CELSR1: variants seen among roughly 807,000 people sequenced by gnomAD.
CELSR1 encodes the protein adhesion G protein-coupled receptor C1.
A neutral mutation model predicts 249.1 loss-of-function variants in CELSR1; 110 were observed. The ratio of observed to expected loss-of-function variants is 0.44; its 90% CI spans 0.38 to 0.52. The LOEUF (loss-of-function observed/expected upper bound fraction) is 0.52. Ranked by LOEUF, CELSR1 falls within the 20% of genes least tolerant of loss-of-function variation. CELSR1 has a pLI of 0.00. For synonymous variants in CELSR1, 2,113 were observed against 1,900.0 expected (o/e 1.11, Z -2.92); for missense variants, 4,109 against 4,296.4 (o/e 0.96, Z 1.22).
At chr22:46,394,341 T>G in intron 13 of CELSR1, 79 bp from the exon 14 acceptor site, 1 of 1,501,432 alleles carries the variant, frequency 6.7e-7, no homozygotes, top group South Asian at 1.3e-5. Flanking sequence ...GCAGGCAGCA[T>G]GGAGATGGTT....
In CELSR1 at chr22:46,536,528, A is replaced by C; in HGVS notation, c.643T>G (p.Ser215Ala). The part of the protein sequence containing the change: ...AGTPSASPSP[S>A]PPLPPNLPEA... Reference sequence around the variant, plus strand: ...GGCAAGTTCGGCGGCAGGGGCGGCGATGGGGATGGCGACGCGGAGGGCGTC... The same window carrying C: ...GGCAAGTTCGGCGGCAGGGGCGGCGCTGGGGATGGCGACGCGGAGGGCGTC... The change falls in exon 1 of 35, where the codon TCG becomes GCG. Residue 215 changes from serine (S) to alanine (A), a missense_variant. Transcript: ENST00000674500. 1 of 1,455,264 alleles carries C rather than the reference A, an allele frequency of 6.9e-7. No individual in the cohort carries two copies. The allele number at this position is 1,455,264 out of a possible 1,614,324, so 90.1% of individuals were successfully genotyped here. A position where few individuals can be genotyped will look rare whatever the true frequency, so the allele number is the denominator to read the frequency against.
Position 46,381,325 on chromosome 22 carries a change from T to C in CELSR1, c.7089-370A>G, listed in dbSNP as rs2078975648. 6.6e-6 allele frequency among the ~76,000 whole-genome samples: 1 copy of C among 152,080 alleles called. No individual in the cohort carries two copies. The highest frequency in any genetic ancestry group is 1.5e-5 in the Non-Finnish European group (1 of 67,988). On this transcript the variant is annotated intron_variant, in intron 21 of 34. Coordinates refer to ENST00000674500, the MANE Select transcript of CELSR1 (RefSeq NM_001378328.1). This position sits in a 1 kb window ranked among gnomAD's most constrained non-coding sequence, Gnocchi z 6.0. ...CAGCTCATGGGGATGAATCACCCAG[T>C]CACTGAGAACCACGTGAACACGAGG...
intron 27 of CELSR1, among the ~76,000 whole-genome samples, chr22:46,368,875 C>T (rs1203087938): frequency 1.3e-5 from 2 of 152,144 alleles, no homozygotes; most frequent in African/African-American, 4.8e-5. Context: ...CCCATCTCCA[C>T]TCTGGGGATT....
chr22:46,368,391 C>G (rs1028395030), intron 27 of CELSR1, among the ~76,000 whole-genome samples: 36 of 152,178 alleles, frequency 2.4e-4, no homozygotes, highest in African/African-American at 8.7e-4. Context: ...GAGGAACTGA[C>G]AAGGCCCCAG....
intron 23 of CELSR1, 81 bp downstream of exon 23, chr22:46,378,510 G>A: frequency 6.8e-6 from 10 of 1,479,394 alleles, no homozygotes; most frequent in Non-Finnish European, 9.1e-6. Flanking sequence ...GGCAGGTTTG[G>A]CGGGGAGGTG....
intron 17 of CELSR1, among the ~76,000 whole-genome samples, chr22:46,389,892 C>CA (rs2079070762): frequency 6.6e-6 from 1 of 152,126 alleles, no homozygotes; most frequent in Admixed American, 6.5e-5. Context: ...GCAGAGGTTG[C>CA]AGCAAGCTGA....
At chr22:46,377,035 T>C (rs775367744) in intron 24 of CELSR1, 26 bp downstream of exon 24, 2 of 1,608,530 alleles carry the variant, frequency 1.2e-6, no homozygotes, top group Non-Finnish European at 8.5e-7. Flanking sequence ...GCCCAGACAG[T>C]GGGGAGGGGA....
intron 1 of CELSR1, among the ~76,000 whole-genome samples, chr22:46,522,659 A>G (rs1238773437): frequency 6.6e-6 from 1 of 152,242 alleles, no homozygotes; most frequent in East Asian, 1.9e-4. Context: ...TGAGACATAC[A>G]TGGGCAAGAA....
At chr22:46,475,400 C>T (rs553010685) in intron 1 of CELSR1, among the ~76,000 whole-genome samples, 33 of 152,086 alleles carry the variant, frequency 2.2e-4, no homozygotes, top group African/African-American at 4.8e-4. Flanking sequence ...CTTCTGCTTA[C>T]GAGAGGTCCC....
chr22:46,409,876 G>T lies in CELSR1; in HGVS notation c.4938C>A (p.Cys1646Ter). The part of the protein sequence containing the change: ...FIANNGTREG[C>*]AARRNFCDGR... ...CATCGCAGAAGTTCCTCCGAGCAGC[G>T]CAGCCTGGCAACACAGAGCGTGCGG... Residue 1646 changes from cysteine to a stop codon, truncating the protein, a stop_gained, in exon 8 of 35, where the codon TGC (cysteine) becomes TGA (stop). Transcript: ENST00000674500. LOFTEE classifies it high-confidence loss of function. The surrounding 1 kb of genome is among the most constrained non-coding windows in gnomAD (Gnocchi z 9.8). The T allele has an allele frequency of 6.2e-7, 1 of 1,612,748 alleles. No individual in the cohort carries two copies. The highest frequency in any genetic ancestry group is 8.5e-7 in the Non-Finnish European group (1 of 1,179,960).
At position 46,381,625 on chromosome 22, in the gene CELSR1, G is replaced by A. The variant is rs1020269098; in HGVS notation, c.7088+221C>T. ...TGGCACAAACACCAGGATGAGCCCA[G>A]GCAAAGGGTGTGCAATGTTCCAGGG... On this transcript the variant is annotated intron_variant, in intron 21 of 34. Coordinates refer to ENST00000674500, the MANE Select transcript of CELSR1 (RefSeq NM_001378328.1). The surrounding 1 kb of genome is among the most constrained non-coding windows in gnomAD (Gnocchi z 6.0). 2.6e-5 allele frequency among the ~76,000 whole-genome samples: 4 copies of A among 152,218 alleles called. No homozygotes were observed. Among genetic ancestry groups the A allele is most frequent in the African/African-American group, 9.6e-5 (4 of 41,460 alleles).
rs116237146 is a variant in CELSR1, at chr22:46,437,795, C to G, written c.4406+1394G>C. On this transcript the variant is annotated intron_variant, in intron 3 of 34. Coordinates refer to ENST00000674500, the MANE Select transcript of CELSR1 (RefSeq NM_001378328.1). This position sits in a 1 kb window ranked among gnomAD's most constrained non-coding sequence, Gnocchi z 4.9. ...TGATGGTTCCCAACTGTCGCCCAAACCCCCTCTCTTTAGAATGCAAGCAAG... is the reference window on the plus strand; with the variant it reads ...TGATGGTTCCCAACTGTCGCCCAAAGCCCCTCTCTTTAGAATGCAAGCAAG... 6.6e-6 allele frequency among the ~76,000 whole-genome samples: 1 copy of G among 151,542 alleles called. No homozygotes were observed. Among genetic ancestry groups the G allele is most frequent in the Non-Finnish European group, 1.5e-5 (1 of 67,964 alleles).
rs886832459 is a variant in CELSR1 at position 46,374,477 on chromosome 22, A to G, written c.7585-1420T>C. Among the ~76,000 whole-genome samples, 2 of 152,154 alleles carry G rather than the reference A, an allele frequency of 1.3e-5. No homozygotes were observed. Among genetic ancestry groups the G allele is most frequent in the Non-Finnish European group, 2.9e-5 (2 of 68,020 alleles). On this transcript the variant is annotated intron_variant, in intron 24 of 34. Coordinates refer to ENST00000674500, the MANE Select transcript of CELSR1 (RefSeq NM_001378328.1). This position sits in a 1 kb window ranked among gnomAD's most constrained non-coding sequence, Gnocchi z 4.3. ...GAGAGATGAAAAACCTCGCCCAGAG[A>G]TAGGATTGTGGGTTTACAAAAAAAC...
In CELSR1 at chr22:46,484,374, G is replaced by A. The variant is rs764809340; in HGVS notation, c.3545-20029C>T. 1.2e-4 allele frequency among the ~76,000 whole-genome samples: 19 copies of A among 152,128 alleles called. No individual in the cohort carries two copies. Among genetic ancestry groups the A allele is most frequent in the Non-Finnish European group, 2.8e-4 (19 of 68,022 alleles). Reference sequence around the variant, plus strand: ...CTCGGGCCCAGCCCTCCTCAGAAATGCAGGCTGCAGCATCTGCCAGGAACT... The same window carrying A: ...CTCGGGCCCAGCCCTCCTCAGAAATACAGGCTGCAGCATCTGCCAGGAACT... On this transcript the variant is annotated intron_variant, in intron 1 of 34. Coordinates refer to ENST00000674500, the MANE Select transcript of CELSR1 (RefSeq NM_001378328.1). This position sits in a 1 kb window ranked among gnomAD's most constrained non-coding sequence, Gnocchi z 4.5.
Position 46,444,220 on chromosome 22 carries a change from C to T in CELSR1, c.4184-4809G>A, listed in dbSNP as rs74325372. 5.7e-3 allele frequency among the ~76,000 whole-genome samples: 864 copies of T among 152,370 alleles called. 8 individuals are homozygous for T. Among genetic ancestry groups the T allele is most frequent in the African/African-American group, 0.019 (810 of 41,576 alleles). On this transcript the variant is annotated intron_variant, in intron 2 of 34. Transcript: ENST00000674500. The stretch of plus-strand genomic sequence containing the variant: ...GCTGGAAGATTCGGCTTCTCACCTC[C>T]AGCCTGGGATTTCCTCTAAAAGGCC...
chr22:46,364,180 G>A lies in CELSR1; in HGVS notation c.8851C>T (p.Arg2951Trp), dbSNP rs142671138. ...LTEQTLKGRL[R>W]EKLADCEQSP... is the part of the protein sequence containing the mutation. ...TGCTCACAGTCGGCCAGCTTCTCCC[G>A]GAGCCGGCCCTTCAGCGTCTGCTCC... The change falls in exon 34 of 35, where the codon CGG (arginine) becomes TGG (tryptophan). Residue 2951 changes from arginine to tryptophan, a missense_variant. Arg to Trp is a moderately radical substitution (Grantham distance 101). Coordinates refer to ENST00000674500, the MANE Select transcript of CELSR1 (RefSeq NM_001378328.1). 130 of 1,612,074 alleles carry A rather than the reference G, an allele frequency of 8.1e-5. No individual in the cohort carries two copies. The African/African-American group carries it at 1.2e-3, about 15-fold the overall frequency.
rs532647793 is a variant in CELSR1, at chr22:46,493,860, C to T, written c.3545-29515G>A. Among the ~76,000 whole-genome samples the T allele has an allele frequency of 2.3e-4, 35 of 152,300 alleles. 1 individual carries two copies. In the South Asian group the frequency reaches 6.6e-3, roughly 29 times the overall value. The stretch of plus-strand genomic sequence containing the variant: ...GTGAGGCCTCCCCAGCCATGTGGGA[C>T]TGTGAGTCAATTAAACCATTTTTCT... On this transcript the variant is annotated intron_variant, in intron 1 of 34. Transcript: ENST00000674500.
At chr22:46,422,104 A>AT (rs58555846) in intron 5 of CELSR1, among the ~76,000 whole-genome samples, 22 of 151,690 alleles carry the variant, frequency 1.5e-4, no homozygotes, top group East Asian at 3.9e-4. Context: ...CTTTTTGTTT[A>AT]TTTTTTTTGT....
chr22:46,372,372 CCACT>C (rs1265372224), intron 25 of CELSR1, among the ~76,000 whole-genome samples: 4 of 141,508 alleles, frequency 2.8e-5, no homozygotes, highest in Non-Finnish European at 4.7e-5. Flanking sequence ...ATCCATCCAT[CCACT>C]CACTCACCCC....
Sources: allele counts gnomAD v4.1 joint callset (sites outside exome capture counted in the v4.1 genomes callset), GRCh38; gene constraint gnomAD v4.1.1; non-coding constraint Gnocchi (gnomAD v3.1); transcripts MANE v1.5; gene names NCBI Gene and HGNC (gene_info 2026-07-23, HGNC 2026-07-21).